Variants in ECPAS observed in about 807,000 individuals in gnomAD.
The protein encoded by ECPAS is proteasome adapter and scaffold protein ECM29.
A neutral mutation model predicts 255.1 loss-of-function variants in ECPAS; 70 were observed. The observed-to-expected ratio is 0.27, with a 90% CI of 0.23 to 0.33. The LOEUF (loss-of-function observed/expected upper bound fraction) is 0.33, where lower values mean the gene tolerates loss of function less well. Among genes scored for constraint, ECPAS ranks in the 10% least tolerant of loss-of-function variants. The probability of loss-of-function intolerance (pLI) is 1.00; values close to 1 mark genes in which losing one functional copy is unlikely to be tolerated. For missense variants in ECPAS, 1,817 were observed against 2,206.4 expected (o/e 0.82, Z 3.54); for synonymous variants, 784 against 775.0 (o/e 1.01, Z -0.19).
At chr9:111,390,140 T>A in intron 29 of ECPAS, 39 bp from the exon 30 acceptor site, 1 of 1,216,612 alleles carries the variant, frequency 8.2e-7, no homozygotes, top group Non-Finnish European at 1.2e-6. Context: ...ATAATACACT[T>A]CTCTCTCTCC....
intron 47 of ECPAS, 53 bp from the exon 48 acceptor site, chr9:111,366,380 A>G (rs2098120342): frequency 7.0e-7 from 1 of 1,429,134 alleles, no homozygotes; most frequent in Non-Finnish European, 9.7e-7. Flanking sequence ...AAACAGTCTA[A>G]AACTTTCCTG....
At chr9:111,438,645 G>A (rs775324587) in intron 6 of ECPAS, among the ~76,000 whole-genome samples, 43 of 152,218 alleles carry the variant, frequency 2.8e-4, no homozygotes, top group African/African-American at 9.9e-4. Context: ...ATAAGGAGAT[G>A]TAAGATCGAG....
At position 111,383,355 on chromosome 9, in the gene ECPAS, G is replaced by A. The variant is rs146449605; in HGVS notation, c.3682-23C>T. On this transcript the variant is annotated intron_variant, in intron 34 of 49. Transcript: ENST00000684092. The stretch of plus-strand genomic sequence containing the variant: ...GACCTCACATACAAAGAGCATGGAC[G>A]TTAGTGAAAGTGACCGCGCATCCAA... The A allele has an allele frequency of 4.0e-5, 64 of 1,593,586 alleles. No homozygotes were observed. In the East Asian group the frequency reaches 1.1e-3, roughly 28 times the overall value.
chr9:111,373,149 A>G (rs1200533628), intron 41 of ECPAS, 21 bp downstream of exon 41: 2 of 1,599,820 alleles, frequency 1.3e-6, no homozygotes, highest in Admixed American at 1.7e-5. Flanking sequence ...AAAATGACAT[A>G]AAATAGAAAA....
Position 111,389,555 on chromosome 9 carries a change from C to A in ECPAS, c.3447+1G>T. ...TAACACAGGGGTTCACAGACACTTA[C>A]CATGGATTTGTCAGTGACCAACGCA... On this transcript the variant is annotated splice_donor_variant, in intron 31 of 49. Coordinates refer to ENST00000684092, the MANE Select transcript of ECPAS (RefSeq NM_001364929.1). LOFTEE classifies it high-confidence loss of function. 1 of 1,611,948 alleles carries A rather than the reference C, an allele frequency of 6.2e-7. No homozygotes were observed. Among genetic ancestry groups the A allele is most frequent in the Non-Finnish European group, 8.5e-7 (1 of 1,178,686 alleles).
intron 7 of ECPAS, among the ~76,000 whole-genome samples, chr9:111,434,327 A>G (rs954910001): frequency 6.6e-6 from 1 of 152,230 alleles, no homozygotes; most frequent in African/African-American, 2.4e-5. Flanking sequence ...TAAACAAAAA[A>G]TGTGTAAAGA....
At chr9:111,373,601 C>T (rs756404124) in intron 39 of ECPAS, among the ~76,000 whole-genome samples, 195 bp from the exon 40 acceptor site, 5 of 151,010 alleles carry the variant, frequency 3.3e-5, no homozygotes, top group African/African-American at 4.9e-5. Context: ...ACTAGAATAT[C>T]GTGGAAAAAG....
rs528586404 is a variant in ECPAS at position 111,370,053 on chromosome 9, A to G, written c.4974+382T>C. 4.6e-5 allele frequency among the ~76,000 whole-genome samples: 7 copies of G among 152,360 alleles called. No individual in the cohort carries two copies. The East Asian group carries it at 1.2e-3, about 25-fold the overall frequency. ...CTAAGTACTGACCAACAGGATGGCTATAAGTCAAAGTGCCATCTAGCGGTG... is the reference window on the plus strand; with the variant it reads ...CTAAGTACTGACCAACAGGATGGCTGTAAGTCAAAGTGCCATCTAGCGGTG... On this transcript the variant is annotated intron_variant, in intron 45 of 49. Transcript: ENST00000684092.
intron 29 of ECPAS, among the ~76,000 whole-genome samples, chr9:111,391,198 C>T (rs1393034262): frequency 1.3e-5 from 2 of 152,138 alleles, no homozygotes; most frequent in African/African-American, 4.8e-5. Flanking sequence ...CCTCCTCATC[C>T]CCCCAGAGTG....
At chr9:111,395,572 T>C (rs936684005) in intron 25 of ECPAS, among the ~76,000 whole-genome samples, 8 of 152,110 alleles carry the variant, frequency 5.3e-5, no homozygotes, top group Non-Finnish European at 1.2e-4. Context: ...CCAAGCAGGA[T>C]GCAATCTTCC....
chr9:111,377,722 G>T (rs2098135025), intron 36 of ECPAS, among the ~76,000 whole-genome samples: 1 of 152,236 alleles, frequency 6.6e-6, no homozygotes, highest in African/African-American at 2.4e-5. Flanking sequence ...AGAAGGCACA[G>T]GAAACTTTTG....
At chr9:111,378,907 A>G (rs2098136912) in intron 35 of ECPAS, among the ~76,000 whole-genome samples, 177 bp from the exon 36 acceptor site, 1 of 152,220 alleles carries the variant, frequency 6.6e-6, no homozygotes. Flanking sequence ...TGAAGCATAT[A>G]TAGAGGTAGG....
intron 48 of ECPAS, 48 bp downstream of exon 48, chr9:111,366,191 A>C: frequency 1.6e-6 from 2 of 1,225,460 alleles, no homozygotes; most frequent in Non-Finnish European, 2.3e-6. Context: ...TCAGCTCCTT[A>C]GCTTTAAAAT....
rs76057708 is a variant in ECPAS at position 111,442,354 on chromosome 9, G to A, written c.341C>T (p.Pro114Leu). ...LPVEKQCELA[P>L]TLLTAMEGKP... ...CCCTTCCATGGCAGTAAGAAGCGTAGGGGCCAGTTCACATTGTTTTTCCAC... is the reference window on the plus strand; with the variant it reads ...CCCTTCCATGGCAGTAAGAAGCGTAAGGGCCAGTTCACATTGTTTTTCCAC... Residue 114 changes from proline to leucine, a missense_variant, in exon 5 of 50, where the codon CCT becomes CTT. By Grantham distance (98) the Pro-to-Leu change is moderately conservative. Around this residue, in one of 4 missense-constraint regions of ECPAS, gnomAD observed 90 missense variants for 158.5 expected, o/e 0.57. Coordinates refer to ENST00000684092, the MANE Select transcript of ECPAS (RefSeq NM_001364929.1). The A allele has an allele frequency of 6.2e-7, 1 of 1,613,164 alleles. No homozygotes were observed. The highest frequency in any genetic ancestry group is 8.5e-7 in the Non-Finnish European group (1 of 1,179,570).
intron 37 of ECPAS, 84 bp from the exon 38 acceptor site, chr9:111,375,286 C>T (rs995159535): frequency 5.3e-5 from 48 of 913,120 alleles, no homozygotes; most frequent in Admixed American, 4.5e-4. Context: ...CCTTGTCAAA[C>T]GTGTACCAAC....
chr9:111,429,615 T>C (rs1203945110), intron 9 of ECPAS, among the ~76,000 whole-genome samples: 1 of 152,238 alleles, frequency 6.6e-6, no homozygotes, highest in Non-Finnish European at 1.5e-5. Context: ...TCATAGGTCC[T>C]GATTCCCAAT....
At chr9:111,364,968 C>T (rs1010837638) in intron 48 of ECPAS, among the ~76,000 whole-genome samples, 4 of 152,070 alleles carry the variant, frequency 2.6e-5, no homozygotes, top group Non-Finnish European at 5.9e-5. Context: ...GAAAGGCTGA[C>T]GAAGTATTCC....
intron 1 of ECPAS, among the ~76,000 whole-genome samples, chr9:111,476,121 C>A (rs948738636): frequency 1.3e-4 from 20 of 152,228 alleles, no homozygotes; most frequent in Admixed American, 6.5e-4. Context: ...GTCAAATGGT[C>A]AAATTGAATA....
chr9:111,460,347 G>A (rs2098271724), intron 2 of ECPAS, among the ~76,000 whole-genome samples: 1 of 152,122 alleles, frequency 6.6e-6, no homozygotes, highest in African/African-American at 2.4e-5. Context: ...AATCTGATAA[G>A]AGATTTTTAT....
Sources: allele counts gnomAD v4.1 joint callset (sites outside exome capture counted in the v4.1 genomes callset), GRCh38; gene constraint gnomAD v4.1.1; regional missense constraint gnomAD v4.1.1; transcripts MANE v1.5; gene names NCBI Gene and HGNC (gene_info 2026-07-23, HGNC 2026-07-21).